The following PIANP variants were observed in gnomAD, a reference collection of about 807,000 sequenced individuals.
PIANP encodes PILR alpha associated neural protein.
Under a neutral mutation model 28.9 loss-of-function variants are expected in PIANP, and 14 were observed. That is an observed-to-expected ratio of 0.49 (90% CI 0.32 to 0.76). PIANP has a LOEUF of 0.76. Ranked by LOEUF, PIANP falls within the 30% of genes least tolerant of loss-of-function variation. PIANP has a pLI of 0.03. For missense variants in PIANP, 322 were observed against 371.8 expected (o/e 0.87, Z 1.10); for synonymous variants, 149 against 156.6 (o/e 0.95, Z 0.36).
downstream of PIANP, among the ~76,000 whole-genome samples, chr12:6,692,343 GC>G (rs1487455794): frequency 5.3e-5 from 8 of 152,220 alleles, no homozygotes; most frequent in South Asian, 8.3e-4. Flanking sequence ...AGAGATCCTT[GC>G]TGAAGGTGAG....
rs759752688 is a variant in PIANP at position 6,697,360 on chromosome 12, A to G, written c.450T>C (p.Gly150=). The G allele has an allele frequency of 6.2e-7, 1 of 1,613,808 alleles. No individual in the cohort carries two copies. Among genetic ancestry groups the G allele is most frequent in the Non-Finnish European group, 8.5e-7 (1 of 1,179,834 alleles). The change falls in exon 3 of 5, where the codon GGT becomes GGC. Residue 150 remains glycine, a synonymous_variant. Transcript: ENST00000534837. This position sits in a 1 kb window ranked among gnomAD's most constrained non-coding sequence, Gnocchi z 6.9. ...TPHPNSDSMR[G]DGDGLILGEA... is the part of the protein sequence containing the mutation. Reference sequence around the variant, plus strand: ...CTCCAAGGATAAGCCCATCTCCATCACCTCGCATGGAGTCTGAGTTGGGGT... The same window carrying G: ...CTCCAAGGATAAGCCCATCTCCATCGCCTCGCATGGAGTCTGAGTTGGGGT...
At chr12:6,698,828 G>C (rs1592450919) in intron 1 of PIANP, among the ~76,000 whole-genome samples, 2 of 152,198 alleles carry the variant, frequency 1.3e-5, no homozygotes, top group East Asian at 3.8e-4. Flanking sequence ...GGAAAATCGG[G>C]ATGGTTGGTT....
At position 6,697,716 on chromosome 12, in the gene PIANP, A is replaced by G; in HGVS notation, c.94T>C (p.Ser32Pro). The G allele has an allele frequency of 6.4e-7, 1 of 1,554,856 alleles. No individual in the cohort carries two copies. The highest frequency in any genetic ancestry group is 8.7e-7 in the Non-Finnish European group (1 of 1,152,312). Residue 32 changes from serine (S) to proline (P), a missense_variant, in exon 3 of 5, where the codon TCT becomes CCT. Physicochemically the swap from Ser to Pro is moderately conservative, Grantham distance 74. Coordinates refer to ENST00000534837, the MANE Select transcript of PIANP (RefSeq NM_001244014.2). The surrounding 1 kb of genome is among the most constrained non-coding windows in gnomAD (Gnocchi z 6.9). ...LLPLPPPAQG[S>P]SSSPRTPPAP... ...GGTGGGGTTCGAGGGGAGGATGAAGAGCCCTGAGCAGGCGGTGGGAGGGGC... is the reference window on the plus strand; with the variant it reads ...GGTGGGGTTCGAGGGGAGGATGAAGGGCCCTGAGCAGGCGGTGGGAGGGGC...
chr12:6,692,619 G>A (rs1305619434), downstream of PIANP, among the ~76,000 whole-genome samples: 1 of 152,156 alleles, frequency 6.6e-6, no homozygotes, highest in Non-Finnish European at 1.5e-5. Context: ...TGCCCCCAGT[G>A]AGTTGACTCC....
At position 6,696,344 on chromosome 12, in the gene PIANP, A is replaced by T; in HGVS notation, c.605+99T>A. On this transcript the variant is annotated intron_variant, in intron 4 of 4. Coordinates refer to ENST00000534837, the MANE Select transcript of PIANP (RefSeq NM_001244014.2). The surrounding 1 kb of genome is among the most constrained non-coding windows in gnomAD (Gnocchi z 4.0). Reference sequence around the variant, plus strand: ...TGCCTTCATCCAGCATTTCCCACCCACCCCCCAGCAAAATTGCTGCCACTG... The same window carrying T: ...TGCCTTCATCCAGCATTTCCCACCCTCCCCCCAGCAAAATTGCTGCCACTG... 1 of 780,676 alleles carries T rather than the reference A, an allele frequency of 1.3e-6. No homozygotes were observed. Among genetic ancestry groups the T allele is most frequent in the Non-Finnish European group, 1.9e-6 (1 of 514,194 alleles). The allele number at this position is 780,676 out of a possible 1,614,324, so 48.4% of individuals were successfully genotyped here.
In PIANP at chr12:6,695,352, AG is replaced by A; in HGVS notation, c.*73del. ...GCCTGCCTCCTCACTACCCATCCAGAGGGCACCCCCACCCCAGCTCTGAAGA... is the reference window on the plus strand; with the variant it reads ...GCCTGCCTCCTCACTACCCATCCAGAGGCACCCCCACCCCAGCTCTGAAGA... On this transcript the variant is annotated 3_prime_UTR_variant, in exon 5 of 5. Transcript: ENST00000534837. The surrounding 1 kb of genome is among the most constrained non-coding windows in gnomAD (Gnocchi z 4.2). 1 of 1,399,168 alleles carries A rather than the reference AG, an allele frequency of 7.1e-7. No individual in the cohort carries two copies. The allele number at this position is 1,399,168 out of a possible 1,614,324, so 86.7% of individuals were successfully genotyped here.
In PIANP at chr12:6,697,342, G is replaced by C; in HGVS notation, c.468C>G (p.Ile156Met). Residue 156 changes from isoleucine to methionine, a missense_variant, in exon 3 of 5, where the codon ATC becomes ATG. Transcript: ENST00000534837. The surrounding 1 kb of genome is among the most constrained non-coding windows in gnomAD (Gnocchi z 6.9). ...GCAGGGTGGCAGGTGCCTCTCCAAG[G>C]ATAAGCCCATCTCCATCACCTCGCA... ...DSMRGDGDGL[I>M]LGEAPATLRP... 6.2e-7 allele frequency: 1 copy of C among 1,614,036 alleles called. No homozygotes were observed. Among genetic ancestry groups the C allele is most frequent in the Non-Finnish European group, 8.5e-7 (1 of 1,179,898 alleles).
rs1158349170 is a variant in PIANP, at chr12:6,700,111, C to A, written c.-44+503G>T. The stretch of plus-strand genomic sequence containing the variant: ...TCCCCGGGCTGGCGCGCCACCCCCA[C>A]CCCTCTCCCAGCTTCTCACCGACCT... On this transcript the variant is annotated intron_variant, in intron 1 of 4. Transcript: ENST00000534837. This position sits in a 1 kb window ranked among gnomAD's most constrained non-coding sequence, Gnocchi z 5.5. 1 of 152,276 alleles carries A rather than the reference C, an allele frequency of 6.6e-6. No homozygotes were observed. 9.4% of individuals were successfully genotyped at this position (152,276 alleles called of 1,614,324 possible). A position where few individuals can be genotyped will look rare whatever the true frequency, so the allele number is the denominator to read the frequency against.
intron 1 of PIANP, among the ~76,000 whole-genome samples, chr12:6,698,953 T>C (rs1299359425): frequency 6.6e-6 from 1 of 152,162 alleles, no homozygotes; most frequent in Non-Finnish European, 1.5e-5. Context: ...GGTCTAAATC[T>C]GCCCAATGGG....
intron 1 of PIANP, among the ~76,000 whole-genome samples, chr12:6,698,703 TA>T (rs1959955726): frequency 6.6e-6 from 1 of 152,108 alleles, no homozygotes; most frequent in South Asian, 2.1e-4. Context: ...AACTACAGAA[TA>T]TAATTTTTGC....
rs1349025036 is a variant in PIANP, at chr12:6,700,158, G to A, written c.-44+456C>T. ...ACCTGTTGTGCGCAGGAGACGAGCT[G>A]GGGGTGGGGCAGGAGCCTCGGGGTG... On this transcript the variant is annotated intron_variant, in intron 1 of 4. Coordinates refer to ENST00000534837, the MANE Select transcript of PIANP (RefSeq NM_001244014.2). The surrounding 1 kb of genome is among the most constrained non-coding windows in gnomAD (Gnocchi z 5.5). 1.3e-5 allele frequency: 2 copies of A among 152,270 alleles called. No homozygotes were observed. Among genetic ancestry groups the A allele is most frequent in the African/African-American group, 4.8e-5 (2 of 41,456 alleles). 9.4% of individuals were successfully genotyped at this position (152,270 alleles called of 1,614,324 possible). A position where few individuals can be genotyped will look rare whatever the true frequency, so the allele number is the denominator to read the frequency against.
downstream of PIANP, among the ~76,000 whole-genome samples, chr12:6,693,573 C>T (rs1361208280): frequency 1.3e-5 from 2 of 152,142 alleles, no homozygotes; most frequent in Non-Finnish European, 2.9e-5. Flanking sequence ...GCCACGATTT[C>T]TATTCTAGTT....
downstream of PIANP, chr12:6,693,741 C>T (rs774377486): frequency 6.6e-6 from 1 of 152,376 alleles, no homozygotes; most frequent in Admixed American, 6.5e-5. Context: ...AGCTGCCCAC[C>T]CCTCTCCTCC....
In PIANP at chr12:6,696,404, C is replaced by A; in HGVS notation, c.605+39G>T. ...GTTAGAGCCTCGACTGCCAAACATT[C>A]CGTCCCCATCCACCAGCACCTTCCT... On this transcript the variant is annotated intron_variant, in intron 4 of 4. Transcript: ENST00000534837. This position sits in a 1 kb window ranked among gnomAD's most constrained non-coding sequence, Gnocchi z 4.0. The A allele has an allele frequency of 6.7e-7, 1 of 1,501,410 alleles. No homozygotes were observed. The highest frequency in any genetic ancestry group is 9.0e-7 in the Non-Finnish European group (1 of 1,108,940). 93.0% of individuals were successfully genotyped at this position (1,501,410 alleles called of 1,614,324 possible). A position where few individuals can be genotyped will look rare whatever the true frequency, so the allele number is the denominator to read the frequency against.
At position 6,694,865 on chromosome 12, in the gene PIANP, C is replaced by T. The variant is rs1181965679; in HGVS notation, c.*561G>A. 9 of 770,818 alleles carry T rather than the reference C, an allele frequency of 1.2e-5. No individual in the cohort carries two copies. The highest frequency in any genetic ancestry group is 1.6e-5 in the Non-Finnish European group (8 of 506,848). 47.7% of individuals were successfully genotyped at this position (770,818 alleles called of 1,614,324 possible). A position where few individuals can be genotyped will look rare whatever the true frequency, so the allele number is the denominator to read the frequency against. ...TGTGAGGCCCCCACCTGCAGGAGGGCGAGCAGATAGGATTGCCCGTGGGGC... is the reference window on the plus strand; with the variant it reads ...TGTGAGGCCCCCACCTGCAGGAGGGTGAGCAGATAGGATTGCCCGTGGGGC... On this transcript the variant is annotated 3_prime_UTR_variant, in exon 5 of 5. Coordinates refer to ENST00000534837, the MANE Select transcript of PIANP (RefSeq NM_001244014.2). The surrounding 1 kb of genome is among the most constrained non-coding windows in gnomAD (Gnocchi z 6.1).
In PIANP at chr12:6,695,192, CAA is replaced by C. The variant is rs1959814401; in HGVS notation, c.*232_*233del. ...TAGACAAGGTGGCATGAGAAAAAAC[CAA>C]AGAGGGCAGAGTTGGAGTTATGGGC... On this transcript the variant is annotated 3_prime_UTR_variant, in exon 5 of 5. Coordinates refer to ENST00000534837, the MANE Select transcript of PIANP (RefSeq NM_001244014.2). The surrounding 1 kb of genome is among the most constrained non-coding windows in gnomAD (Gnocchi z 4.2). 1 of 1,457,028 alleles carries C rather than the reference CAA, an allele frequency of 6.9e-7. No individual in the cohort carries two copies. The highest frequency in any genetic ancestry group is 2.5e-5 in the East Asian group (1 of 39,736). 90.3% of individuals were successfully genotyped at this position (1,457,028 alleles called of 1,614,324 possible).
rs1267871432 is a variant in PIANP at position 6,694,839 on chromosome 12, ATG to A, written c.*585_*586del. The A allele has an allele frequency of 1.2e-5, 7 of 606,258 alleles. No homozygotes were observed. The highest frequency in any genetic ancestry group is 1.7e-5 in the Non-Finnish European group (6 of 359,736). 37.6% of individuals were successfully genotyped at this position (606,258 alleles called of 1,614,324 possible). On this transcript the variant is annotated 3_prime_UTR_variant, in exon 5 of 5. Transcript: ENST00000534837. The surrounding 1 kb of genome is among the most constrained non-coding windows in gnomAD (Gnocchi z 6.1). ...GGGACAGGGACCCGAAGTCACAGAT[ATG>A]TGAGGCCCCCACCTGCAGGAGGGCG...
rs749057355 is a variant in PIANP, at chr12:6,696,506, T to A, written c.542A>T (p.Tyr181Phe). 1.2e-6 allele frequency: 2 copies of A among 1,600,916 alleles called. No homozygotes were observed. The highest frequency in any genetic ancestry group is 1.7e-6 in the Non-Finnish European group (2 of 1,174,062). ...GRGEGVDPQL[Y>F]VTITISIIIV... ...GATGATGGAGATGGTAATTGTGACA[T>A]AGAGCTGGGGGTCCACACCTGATTG... Residue 181 changes from tyrosine to phenylalanine, a missense_variant, in exon 4 of 5, where the codon TAT (tyrosine) becomes TTT (phenylalanine). Tyr to Phe is a conservative substitution (Grantham distance 22). Transcript: ENST00000534837. This position sits in a 1 kb window ranked among gnomAD's most constrained non-coding sequence, Gnocchi z 4.0.
intron 1 of PIANP, 29 bp from the exon 2 acceptor site, chr12:6,698,133 C>T: frequency 1.3e-6 from 2 of 1,494,216 alleles, no homozygotes; most frequent in South Asian, 1.2e-5. Context: ...CGTCACACCC[C>T]AGCCCTGCCC....
Sources: gnomAD v4.1 joint callset for allele counts (sites outside exome capture counted in the v4.1 genomes callset) on GRCh38, gnomAD v4.1.1 for gene constraint, Gnocchi (gnomAD v3.1) non-coding constraint, MANE v1.5 for transcripts, NCBI Gene and HGNC (gene_info 2026-07-23, HGNC 2026-07-21) for gene names.